The following SCN10A variants were observed in gnomAD, a reference collection of about 807,000 sequenced individuals.
The protein encoded by SCN10A is sodium voltage-gated channel alpha subunit 10.
Under a neutral mutation model 170.7 loss-of-function variants are expected in SCN10A, and 162 were observed. The ratio of observed to expected loss-of-function variants is 0.95; its 90% confidence interval spans 0.84 to 1.08. The LOEUF (loss-of-function observed/expected upper bound fraction) is 1.08. Ranked by LOEUF, SCN10A falls within the 50% of genes least tolerant of loss-of-function variation. The probability of loss-of-function intolerance (pLI) is 0.00; values close to 1 mark genes in which losing one functional copy is unlikely to be tolerated. For missense variants in SCN10A, 2,527 were observed against 2,436.9 expected (o/e 1.04, Z -0.78); for synonymous variants, 985 against 904.6 (o/e 1.09, Z -1.59).
chr3:38,761,753 T>G (rs2063874342), intron 6 of SCN10A, among the ~76,000 whole-genome samples: 1 of 152,094 alleles, frequency 6.6e-6, no homozygotes, highest in Non-Finnish European at 1.5e-5. Context: ...TTGGCATCTG[T>G]CTTTCTGCAT....
In SCN10A at chr3:38,712,458, A is replaced by G. The variant is rs367760568; in HGVS notation, c.3805-13T>C. The G allele has an allele frequency of 3.7e-6, 6 of 1,611,988 alleles. No homozygotes were observed. The highest frequency in any genetic ancestry group is 5.1e-6 in the Non-Finnish European group (6 of 1,178,680). On this transcript the variant is annotated splice_polypyrimidine_tract_variant and intron_variant, in intron 22 of 27. Transcript: ENST00000449082. ...CATCCACCACCACCTGGTGGGAGAT[A>G]GAGAAAGACCTGGAACCTCCCAATG...
At chr3:38,794,959 A>G (rs1447117045) in intron 1 of SCN10A, among the ~76,000 whole-genome samples, 1 of 152,068 alleles carries the variant, frequency 6.6e-6, no homozygotes, top group African/African-American at 2.4e-5. Context: ...TTACAACATG[A>G]GAGGTATCTT....
chr3:38,698,614 G>T, intron 27 of SCN10A, 52 bp from the exon 28 acceptor site: 1 of 1,547,384 alleles, frequency 6.5e-7, no homozygotes, highest in South Asian at 1.2e-5. Context: ...CATGAGACGT[G>T]ACAAAGTTGG....
Position 38,793,832 on chromosome 3 carries a change from C to T in SCN10A, c.179G>A (p.Cys60Tyr), listed in dbSNP as rs145900411. Residue 60 changes from cysteine (C) to tyrosine (Y), a missense_variant, in exon 2 of 28, where the codon TGC becomes TAC. Transcript: ENST00000449082. ...ACCATAGAACTTGGGCAGCTGGTTG[C>T]AGGCTTTCAAGTCCAGCTGGGGCCG... ...KPRPQLDLKACNQLPKFYGEL... is the reference protein window; with the variant it reads ...KPRPQLDLKAYNQLPKFYGEL... 64 of 1,614,038 alleles carry T rather than the reference C, an allele frequency of 4.0e-5. No individual in the cohort carries two copies. In the African/African-American group the frequency reaches 7.9e-4, roughly 20 times the overall value.
At chr3:38,714,195 C>A (rs1415590919) in intron 21 of SCN10A, 115 bp from the exon 22 acceptor site, 4 of 1,258,122 alleles carry the variant, frequency 3.2e-6, no homozygotes, top group Non-Finnish European at 4.5e-6. Flanking sequence ...AAGCCATCAT[C>A]CTAGCTCCCA....
chr3:38,761,337 C>T lies in SCN10A; in HGVS notation c.738G>A (p.Leu246=), dbSNP rs1285616742. 6.2e-7 allele frequency: 1 copy of T among 1,613,806 alleles called. No individual in the cohort carries two copies. Among genetic ancestry groups the T allele is most frequent in the Non-Finnish European group, 8.5e-7 (1 of 1,179,802 alleles). ...AGATGGTGAGGATGGTCACATCAGC[C>T]AGTTTCTTCACTGAGTGAATCAGGG... ...VGALIHSVKK[L]ADVTILTIFC... The change falls in exon 7 of 28, where the codon CTG becomes CTA. Residue 246 remains leucine, a synonymous_variant. Coordinates refer to ENST00000449082, the MANE Select transcript of SCN10A (RefSeq NM_006514.4).
At chr3:38,759,234 G>C (rs2063841512) in intron 8 of SCN10A, among the ~76,000 whole-genome samples, 1 of 152,140 alleles carries the variant, frequency 6.6e-6, no homozygotes, top group South Asian at 2.1e-4. Context: ...CTCAGCCATG[G>C]AGGTGGGTGA....
intron 19 of SCN10A, 127 bp downstream of exon 19, chr3:38,723,303 G>T: frequency 8.3e-7 from 1 of 1,200,674 alleles, no homozygotes; most frequent in Non-Finnish European, 1.2e-6. Flanking sequence ...GCGCCCTCAA[G>T]CCTGGGAGTG....
At chr3:38,751,789 C>T (rs145695788) in intron 12 of SCN10A, among the ~76,000 whole-genome samples, 2 of 152,268 alleles carry the variant, frequency 1.3e-5, no homozygotes, top group East Asian at 3.9e-4. Flanking sequence ...TCAGATCTGT[C>T]CTAAGAAACT....
chr3:38,702,021 G>A lies in SCN10A; in HGVS notation c.4475C>T (p.Thr1492Ile). The change falls in exon 27 of 28, where the codon ACC becomes ATC. Residue 1492 changes from threonine to isoleucine, a missense_variant. By Grantham distance (89) the Thr-to-Ile change is moderately conservative. Transcript: ENST00000449082. Reference protein sequence around the residue: ...IMVLICLNMITMMVETDDQSE... With the variant: ...IMVLICLNMIIMMVETDDQSE... ...TTGGTCATCAGTCTCCACCATCATGGTGATCATGTTGAGGCAGATGAGGAC... is the reference window on the plus strand; with the variant it reads ...TTGGTCATCAGTCTCCACCATCATGATGATCATGTTGAGGCAGATGAGGAC... 6.2e-7 allele frequency: 1 copy of A among 1,613,538 alleles called. No homozygotes were observed. Among genetic ancestry groups the A allele is most frequent in the Non-Finnish European group, 8.5e-7 (1 of 1,179,708 alleles).
chr3:38,769,141 T>C (rs1575165057), intron 5 of SCN10A, among the ~76,000 whole-genome samples: 1 of 152,078 alleles, frequency 6.6e-6, no homozygotes, highest in African/African-American at 2.4e-5. Context: ...TCTGGAGAAT[T>C]TTCCATCCAT....
intron 1 of SCN10A, among the ~76,000 whole-genome samples, chr3:38,813,474 C>T (rs994185468): frequency 6.6e-6 from 1 of 152,158 alleles, no homozygotes; most frequent in Non-Finnish European, 1.5e-5. Flanking sequence ...ATAGACTAGG[C>T]TAACCTTTTT....
chr3:38,785,686 T>G (rs554701659), intron 4 of SCN10A, among the ~76,000 whole-genome samples: 1 of 152,048 alleles, frequency 6.6e-6, no homozygotes, highest in South Asian at 2.1e-4. Context: ...ATCATCAGAG[T>G]GAATAGGTAA....
chr3:38,751,985 T>C (rs969548388), intron 12 of SCN10A, among the ~76,000 whole-genome samples: 1 of 152,088 alleles, frequency 6.6e-6, no homozygotes, highest in Non-Finnish European at 1.5e-5. Flanking sequence ...AAATGGAATA[T>C]AATTTGCATC....
intron 1 of SCN10A, among the ~76,000 whole-genome samples, chr3:38,800,454 C>T (rs1371635838): frequency 3.3e-5 from 5 of 152,174 alleles, no homozygotes; most frequent in Admixed American, 2.0e-4. Flanking sequence ...AAATTCTCTG[C>T]AACTGTGAGG....
intron 5 of SCN10A, among the ~76,000 whole-genome samples, chr3:38,768,287 G>T (rs1230694239): frequency 6.6e-6 from 1 of 151,834 alleles, no homozygotes; most frequent in African/African-American, 2.4e-5. Flanking sequence ...CATTATGCTA[G>T]TTATTGCCTT....
chr3:38,749,964 C>T lies in SCN10A; in HGVS notation c.1867+109G>A. ...TAAGAATGAGGAGTATTAGGAATTC[C>T]AGTACACAGAGATGGACGCTTTGAC... On this transcript the variant is annotated intron_variant, in intron 13 of 27. Coordinates refer to ENST00000449082, the MANE Select transcript of SCN10A (RefSeq NM_006514.4). 8.6e-6 allele frequency: 5 copies of T among 582,804 alleles called. No homozygotes were observed. In the South Asian group the frequency reaches 1.4e-4, roughly 16 times the overall value. 36.1% of individuals were successfully genotyped at this position (582,804 alleles called of 1,614,324 possible).
intron 14 of SCN10A, among the ~76,000 whole-genome samples, chr3:38,741,246 C>T (rs11129806): frequency 0.069 from 10,511 of 151,980 alleles, 449 homozygotes; most frequent in East Asian, 0.1. Context: ...AGGCAGGATG[C>T]TGACCCTTTC....
intron 13 of SCN10A, among the ~76,000 whole-genome samples, chr3:38,742,896 G>A (rs1294974324): frequency 2.0e-5 from 3 of 151,978 alleles, no homozygotes; most frequent in Non-Finnish European, 4.4e-5. Context: ...TACTTGCCTG[G>A]CAAAACCTGA....
Sources: allele counts gnomAD v4.1 joint callset (sites outside exome capture counted in the v4.1 genomes callset), GRCh38; gene constraint gnomAD v4.1.1; transcripts MANE v1.5; gene names NCBI Gene and HGNC (gene_info 2026-07-23, HGNC 2026-07-21).